The following EDIL3 variants were observed in gnomAD, a reference collection of about 807,000 sequenced individuals.
EDIL3 encodes the protein EGF-like repeat and discoidin I-like domain-containing protein 3.
A neutral mutation model predicts 67.4 loss-of-function variants in EDIL3; 37 were observed. That is an observed-to-expected ratio of 0.55 (90% confidence interval 0.42 to 0.72). The LOEUF (loss-of-function observed/expected upper bound fraction) is 0.72, where lower values mean the gene tolerates loss of function less well. EDIL3 is among the 30% of genes least tolerant of loss of function. The pLI, the probability that EDIL3 is intolerant of heterozygous loss-of-function variation, is 0.00. For missense variants in EDIL3, 527 were observed against 586.3 expected (o/e 0.90, Z 1.04); for synonymous variants, 195 against 196.3 (o/e 0.99, Z 0.05).
chr5:83,968,859 T>A (rs1744741881), intron 9 of EDIL3, among the ~76,000 whole-genome samples: 1 of 151,920 alleles, frequency 6.6e-6, no homozygotes, highest in African/African-American at 2.4e-5. Context: ...TAATTATGAA[T>A]ATTTTATATT....
At chr5:84,026,787 C>T (rs1211409462) in intron 9 of EDIL3, among the ~76,000 whole-genome samples, 2 of 152,058 alleles carry the variant, frequency 1.3e-5, no homozygotes, top group Non-Finnish European at 2.9e-5. Context: ...AAAACCACGC[C>T]TTATCTTCAT....
intron 5 of EDIL3, among the ~76,000 whole-genome samples, chr5:84,119,565 T>C (rs1208112718): frequency 6.6e-6 from 1 of 152,092 alleles, no homozygotes; most frequent in Non-Finnish European, 1.5e-5. Context: ...TAAATAATCT[T>C]AGTTTAAAAT....
At chr5:84,144,497 AT>A (rs970060511) in intron 4 of EDIL3, among the ~76,000 whole-genome samples, 1 of 152,138 alleles carries the variant, frequency 6.6e-6, no homozygotes, top group African/African-American at 2.4e-5. Context: ...AACTCCAAAT[AT>A]CAAAACTAAA....
intron 3 of EDIL3, among the ~76,000 whole-genome samples, chr5:84,222,456 C>T (rs946922426): frequency 1.3e-5 from 2 of 151,748 alleles, no homozygotes. Flanking sequence ...TTTTCTTCTT[C>T]TCTATGGACA....
chr5:84,368,444 T>A (rs528274439), intron 1 of EDIL3, among the ~76,000 whole-genome samples: 21 of 152,182 alleles, frequency 1.4e-4, no homozygotes, highest in Admixed American at 5.2e-4. Context: ...AAGAATGAAG[T>A]TGAGCACTTA....
intron 4 of EDIL3, among the ~76,000 whole-genome samples, chr5:84,146,563 T>C (rs1580348740): frequency 6.6e-6 from 1 of 152,126 alleles, no homozygotes; most frequent in Admixed American, 6.6e-5. Flanking sequence ...CCTAAAATGT[T>C]AGTTTGGAAT....
chr5:84,366,269 C>CCATCAT (rs1290348818), intron 1 of EDIL3, among the ~76,000 whole-genome samples: 3 of 152,162 alleles, frequency 2.0e-5, no homozygotes, highest in Admixed American at 1.3e-4. Context: ...GTCACCATCA[C>CCATCAT]CATCATCATC....
At chr5:84,242,930 CA>C (rs1448342021) in intron 2 of EDIL3, among the ~76,000 whole-genome samples, 2 of 151,730 alleles carry the variant, frequency 1.3e-5, no homozygotes, top group Non-Finnish European at 2.9e-5. Flanking sequence ...AAGCATGGAA[CA>C]AAATTGTAGG....
intron 6 of EDIL3, among the ~76,000 whole-genome samples, chr5:84,084,000 C>A (rs1747024616): frequency 6.6e-6 from 1 of 151,906 alleles, no homozygotes; most frequent in South Asian, 2.1e-4. Flanking sequence ...GAATTGTGGT[C>A]ATCTCTGCTT....
intron 1 of EDIL3, among the ~76,000 whole-genome samples, chr5:84,346,462 C>T (rs540883516): frequency 1.3e-5 from 2 of 152,208 alleles, no homozygotes; most frequent in South Asian, 4.1e-4. Context: ...ACAGCTGGCT[C>T]ACCCCGATCT....
chr5:84,079,899 T>C (rs1016320519), intron 6 of EDIL3, among the ~76,000 whole-genome samples: 2 of 151,910 alleles, frequency 1.3e-5, no homozygotes, highest in African/African-American at 4.8e-5. Flanking sequence ...TTTTATCAAA[T>C]GCATCATTAA....
At chr5:84,286,857 T>G (rs1053313462) in intron 1 of EDIL3, among the ~76,000 whole-genome samples, 1 of 152,218 alleles carries the variant, frequency 6.6e-6, no homozygotes, top group African/African-American at 2.4e-5. Context: ...GCAGCCTGTA[T>G]GTACCTGCTC....
chr5:84,352,007 T>C (rs1217045556), intron 1 of EDIL3, among the ~76,000 whole-genome samples: 10 of 151,712 alleles, frequency 6.6e-5, no homozygotes, highest in Non-Finnish European at 1.5e-5. Flanking sequence ...AAAGAAAACA[T>C]ACTAACAGGT....
intron 1 of EDIL3, among the ~76,000 whole-genome samples, chr5:84,339,606 T>TG (rs1189867375): frequency 1.6e-4 from 22 of 134,988 alleles, no homozygotes; most frequent in Middle Eastern, 3.9e-3. Context: ...AAATACTGTG[T>TG]TTTTTTTTAA....
intron 4 of EDIL3, among the ~76,000 whole-genome samples, chr5:84,139,147 G>T (rs1411087561): frequency 3.3e-5 from 5 of 152,116 alleles, no homozygotes; most frequent in African/African-American, 1.2e-4. Context: ...TGAGGCAAGA[G>T]AATTGCTTGA....
chr5:84,254,170 C>T lies in EDIL3; in HGVS notation c.110G>A (p.Cys37Tyr). 1 of 1,612,488 alleles carries T rather than the reference C, an allele frequency of 6.2e-7. No individual in the cohort carries two copies. Among genetic ancestry groups the T allele is most frequent in the Non-Finnish European group, 8.5e-7 (1 of 1,179,180 alleles). Residue 37 changes from cysteine (C) to tyrosine (Y), a missense_variant, in exon 2 of 11, where the codon TGT becomes TAT. By Grantham distance (194) the Cys-to-Tyr change is radical. Around this residue, in one of 2 missense-constraint regions of EDIL3, gnomAD observed 494 missense variants for 522.5 expected, o/e 0.95. Transcript: ENST00000296591. ...GGAACCATCAGCCAATCCTGGCAAA[C>T]AGATACCTCCATTTTCACATGGATT... ...DPNPCENGGI[C>Y]LPGLADGSFS...
chr5:84,296,890 A>G (rs1316655496), intron 1 of EDIL3, among the ~76,000 whole-genome samples: 1 of 152,210 alleles, frequency 6.6e-6, no homozygotes, highest in African/African-American at 2.4e-5. Flanking sequence ...TTTAAGAAAA[A>G]AAACCAAACA....
chr5:84,283,780 T>C (rs1745753076), intron 1 of EDIL3, among the ~76,000 whole-genome samples: 1 of 152,160 alleles, frequency 6.6e-6, no homozygotes, highest in Non-Finnish European at 1.5e-5. Flanking sequence ...AGCTTTTTTG[T>C]TTGTTTTGTT....
chr5:84,080,115 C>CAAAAAAAAAAA (rs10566347), intron 6 of EDIL3, among the ~76,000 whole-genome samples: 103 of 52,966 alleles, frequency 1.9e-3, no homozygotes, highest in Non-Finnish European at 3.1e-3. Context: ...ACTAAAAATA[C>CAAAAAAAAAAA]AAAAAAAAAA....
Sources: gnomAD v4.1 joint callset for allele counts (sites outside exome capture counted in the v4.1 genomes callset) on GRCh38, gnomAD v4.1.1 for gene constraint, gnomAD v4.1.1 regional missense constraint, MANE v1.5 for transcripts, NCBI Gene and HGNC (gene_info 2026-07-23, HGNC 2026-07-21) for gene names.